The following TJP3 variants were observed in gnomAD, a reference collection of about 807,000 sequenced individuals.
TJP3 encodes tight junction protein 3, also known as tight junction protein ZO-3.
A neutral mutation model predicts 104.2 loss-of-function variants in TJP3; 85 were observed. That is an observed-to-expected ratio of 0.82 (90% confidence interval 0.68 to 0.98). The LOEUF is 0.98. TJP3 is among the 50% of genes least tolerant of loss of function. TJP3 has a pLI of 0.00. For synonymous variants in TJP3, 550 were observed against 550.6 expected, an observed-to-expected ratio of 1.00 and a Z score of 0.02; for missense variants, 1,367 against 1,322.8, an observed-to-expected ratio of 1.03 and a Z score of -0.52.
At position 3,746,992 on chromosome 19, in the gene TJP3, GC is replaced by G; in HGVS notation, c.2322+118del. ...GGCTTGGTCAGGGATCAGGACTGTG[GC>G]CAGAGTCAAGATGGGACCTGAGACA... is the stretch of plus-strand genomic sequence containing the variant. On this transcript the variant is annotated intron_variant, in intron 18 of 20. Transcript: ENST00000541714. This position sits in a 1 kb window ranked among gnomAD's most constrained non-coding sequence, Gnocchi z 4.1. 2 of 1,002,614 alleles carry G rather than the reference GC, an allele frequency of 2.0e-6. No homozygotes were observed. Among genetic ancestry groups the G allele is most frequent in the Non-Finnish European group, 3.0e-6 (2 of 669,536 alleles). The allele number at this position is 1,002,614 out of a possible 1,614,324, so 62.1% of individuals were successfully genotyped here.
intron 1 of TJP3, among the ~76,000 whole-genome samples, chr19:3,711,442 G>A (rs1461749147): frequency 2.0e-5 from 3 of 151,182 alleles, no homozygotes; most frequent in Admixed American, 6.6e-5. Flanking sequence ...CAGGTGATTC[G>A]CTCGCCTCGG....
chr19:3,735,440 C>T, intron 8 of TJP3, 126 bp from the exon 9 acceptor site: 2 of 876,634 alleles, frequency 2.3e-6, no homozygotes, highest in Non-Finnish European at 3.7e-6. Context: ...CTCAGGTGAT[C>T]TGCCCACCTC....
At position 3,736,327 on chromosome 19, in the gene TJP3, C is replaced by G; in HGVS notation, c.1284+6C>G. 6.6e-7 allele frequency: 1 copy of G among 1,522,620 alleles called. No homozygotes were observed. Among genetic ancestry groups the G allele is most frequent in the African/African-American group, 1.4e-5 (1 of 72,292 alleles). 94.3% of individuals were successfully genotyped at this position (1,522,620 alleles called of 1,614,324 possible). A position where few individuals can be genotyped will look rare whatever the true frequency, so the allele number is the denominator to read the frequency against. On this transcript the variant is annotated splice_donor_region_variant and intron_variant, in intron 11 of 20. Coordinates refer to ENST00000541714, the MANE Select transcript of TJP3 (RefSeq NM_001267560.2). ...AGGGAGATCAGATTCTGCAGGTGCT[C>G]CGGGGGCGGCTGGCCAGCCCCACTG...
Position 3,743,907 on chromosome 19 carries a change from C to T in TJP3, c.1844-32C>T, listed in dbSNP as rs201795806. ...AGCAGTCTTTGATCGCAAATGGGAC[C>T]CTGATTCTTTCACTGTGTCTCTACC... On this transcript the variant is annotated intron_variant, in intron 14 of 20. Coordinates refer to ENST00000541714, the MANE Select transcript of TJP3 (RefSeq NM_001267560.2). The T allele has an allele frequency of 1.3e-4, 213 of 1,605,202 alleles. No homozygotes were observed. The African/African-American group carries it at 2.6e-3, about 20-fold the overall frequency.
At chr19:3,716,802 T>A (rs900673280) in intron 1 of TJP3, among the ~76,000 whole-genome samples, 8 of 47,394 alleles carry the variant, frequency 1.7e-4, no homozygotes, top group Admixed American at 1.5e-3. Context: ...TATATATATA[T>A]TTTTTTTTTT....
chr19:3,743,013 C>A (rs969032128), intron 14 of TJP3, among the ~76,000 whole-genome samples: 10 of 151,844 alleles, frequency 6.6e-5, no homozygotes, highest in African/African-American at 2.2e-4. Context: ...CGCCTGTAAT[C>A]CCAGCACTTT....
chr19:3,726,424 C>T (rs2036596256), intron 1 of TJP3, among the ~76,000 whole-genome samples: 1 of 151,794 alleles, frequency 6.6e-6, no homozygotes, highest in Non-Finnish European at 1.5e-5. Context: ...ATGGTGAGAC[C>T]CCCGTCTCTA....
chr19:3,714,299 C>T (rs2036458050), intron 1 of TJP3, among the ~76,000 whole-genome samples: 4 of 151,858 alleles, frequency 2.6e-5, no homozygotes, highest in African/African-American at 7.3e-5. Flanking sequence ...CCTGCCTCAG[C>T]CCCCTGAGTA....
rs1474982158 is a variant in TJP3, at chr19:3,716,799, A to ATT, written c.-10+8239_-10+8240insTT. On this transcript the variant is annotated intron_variant, in intron 1 of 20. Transcript: ENST00000541714. ...CTCATACATATATATATATATATAT[A>ATT]TATTTTTTTTTTTTTTTTGAAACAG... Among the ~76,000 whole-genome samples the ATT allele has an allele frequency of 4.6e-3, 336 of 73,002 alleles. 7 individuals are homozygous for ATT. Among genetic ancestry groups the ATT allele is most frequent in the African/African-American group, 7.3e-3 (154 of 21,022 alleles). The allele number at this position is 73,002 out of a possible 152,430, so 47.9% of individuals were successfully genotyped here.
chr19:3,738,885 C>T lies in TJP3; in HGVS notation c.1394-12C>T, dbSNP rs745533405. The T allele has an allele frequency of 3.3e-5, 51 of 1,568,422 alleles. No homozygotes were observed. The highest frequency in any genetic ancestry group is 4.2e-5 in the Non-Finnish European group (48 of 1,151,018). ...AGCCCAGGCAGCTCATGTGGCCTCCCGCTCTCCCCAGTTTTCTGGAAAATG... is the reference window on the plus strand; with the variant it reads ...AGCCCAGGCAGCTCATGTGGCCTCCTGCTCTCCCCAGTTTTCTGGAAAATG... On this transcript the variant is annotated splice_polypyrimidine_tract_variant and intron_variant, in intron 12 of 20. Coordinates refer to ENST00000541714, the MANE Select transcript of TJP3 (RefSeq NM_001267560.2).
chr19:3,730,244 G>A lies in TJP3; in HGVS notation c.262-111G>A, dbSNP rs572496618. 1.3e-6 allele frequency: 2 copies of A among 1,496,558 alleles called. No homozygotes were observed. Among genetic ancestry groups the A allele is most frequent in the Admixed American group, 1.9e-5 (1 of 53,766 alleles). 92.7% of individuals were successfully genotyped at this position (1,496,558 alleles called of 1,614,324 possible). On this transcript the variant is annotated intron_variant, in intron 4 of 20. Coordinates refer to ENST00000541714, the MANE Select transcript of TJP3 (RefSeq NM_001267560.2). This position sits in a 1 kb window ranked among gnomAD's most constrained non-coding sequence, Gnocchi z 7.3. ...AGTCATCTTCTCATCTTACAGTTTG[G>A]ACATTGAGGCCCAGAGAGAGACTGG...
chr19:3,731,712 T>C (rs970123396), intron 5 of TJP3, among the ~76,000 whole-genome samples: 2 of 152,210 alleles, frequency 1.3e-5, no homozygotes, highest in African/African-American at 4.8e-5. Flanking sequence ...AGCCTGTGCA[T>C]GGCAACATCA....
chr19:3,717,918 TAA>T (rs71339056), intron 1 of TJP3, among the ~76,000 whole-genome samples: 8 of 132,376 alleles, frequency 6.0e-5, no homozygotes, highest in African/African-American at 1.1e-4. Flanking sequence ...ACTGGCTAAT[TAA>T]AAAAAAAAAA....
intron 14 of TJP3, among the ~76,000 whole-genome samples, chr19:3,741,283 G>T (rs1032692308): frequency 6.6e-6 from 1 of 151,904 alleles, no homozygotes; most frequent in Non-Finnish European, 1.5e-5. Context: ...TTACAGGCGT[G>T]AGCCACCACG....
At chr19:3,722,285 CAGAG>C (rs1029121741) in intron 1 of TJP3, among the ~76,000 whole-genome samples, 1 of 152,092 alleles carries the variant, frequency 6.6e-6, no homozygotes, top group African/African-American at 2.4e-5. Context: ...GCATTTTAAA[CAGAG>C]AGAAAAATGT....
chr19:3,716,780 C>CATATATATATATAT (rs1255662392), intron 1 of TJP3, among the ~76,000 whole-genome samples: 14 of 103,282 alleles, frequency 1.4e-4, no homozygotes, highest in African/African-American at 4.9e-4. Context: ...CCAGCTCATA[C>CATATATATATATAT]ATATATATAT....
At chr19:3,708,713 T>G (rs771428619) in intron 1 of TJP3, among the ~76,000 whole-genome samples, 152 bp downstream of exon 1, 45 of 152,104 alleles carry the variant, frequency 3.0e-4, no homozygotes, top group Middle Eastern at 3.4e-3. Flanking sequence ...CACTCCTGCG[T>G]GGGCATCTGA....
intron 1 of TJP3, among the ~76,000 whole-genome samples, chr19:3,709,475 C>A (rs1377714287): frequency 6.6e-6 from 1 of 152,154 alleles, no homozygotes; most frequent in East Asian, 1.9e-4. Flanking sequence ...GCGCTCAGAG[C>A]CAGAGAGGGG....
At chr19:3,712,959 AAAAAG>A (rs2036446791) in intron 1 of TJP3, among the ~76,000 whole-genome samples, 1 of 151,694 alleles carries the variant, frequency 6.6e-6, no homozygotes, top group South Asian at 2.1e-4. Flanking sequence ...CAAAAAAAAA[AAAAAG>A]AAAAGAAAAG....
Sources: allele counts gnomAD v4.1 joint callset (sites outside exome capture counted in the v4.1 genomes callset), GRCh38; gene constraint gnomAD v4.1.1; non-coding constraint Gnocchi (gnomAD v3.1); transcripts MANE v1.5; gene names NCBI Gene and HGNC (gene_info 2026-07-23, HGNC 2026-07-21).